MAF: variants seen among roughly 807,000 people sequenced by gnomAD.
The protein encoded by MAF is MAF bZIP transcription factor.
In MAF, 10 loss-of-function variants were observed where a neutral mutation model predicts 22.0. The observed-to-expected ratio is 0.45, with a 90% CI of 0.28 to 0.77. MAF has a LOEUF of 0.77. MAF is among the 30% of genes least tolerant of loss of function. The pLI is 0.12. For missense variants in MAF, 544 were observed against 548.4 expected (o/e 0.99, Z 0.08); for synonymous variants, 337 against 255.8 (o/e 1.32, Z -3.03).
chr16:79,209,018 T>C, the MAF span, among the ~76,000 whole-genome samples: 2 of 152,180 alleles, frequency 1.3e-5, no homozygotes, highest in African/African-American at 2.4e-5. Flanking sequence ...AGGTCGTCTT[T>C]GCTTTCGGGT....
the MAF span, among the ~76,000 whole-genome samples, chr16:79,307,023 C>T: frequency 1.3e-5 from 2 of 152,222 alleles, no homozygotes; most frequent in South Asian, 2.1e-4. Context: ...AACTTCTGCA[C>T]ATCACTCAAA....
chr16:79,310,190 A>T, the MAF span, among the ~76,000 whole-genome samples: 7 of 152,182 alleles, frequency 4.6e-5, no homozygotes, highest in African/African-American at 1.4e-4. Context: ...TTTGTGCATG[A>T]GGTCAATCCC....
At chr16:79,489,207 CTCTA>C in the MAF span, among the ~76,000 whole-genome samples, 3 of 152,120 alleles carry the variant, frequency 2.0e-5, no homozygotes, top group East Asian at 1.9e-4. Flanking sequence ...CCATCTATTC[CTCTA>C]TCTATCCATC....
At chr16:79,334,337 A>G in the MAF span, among the ~76,000 whole-genome samples, 46 of 152,172 alleles carry the variant, frequency 3.0e-4, no homozygotes, top group Non-Finnish European at 5.4e-4. Context: ...ACCAGGAGCT[A>G]GAAGCAAACG....
chr16:79,339,231 G>A, the MAF span, among the ~76,000 whole-genome samples: 11 of 144,066 alleles, frequency 7.6e-5, no homozygotes, highest in East Asian at 8.1e-4. Context: ...CACCACGCCC[G>A]GCTAAATTTT....
the MAF span, chr16:79,206,078 G>C: frequency 1.3e-5 from 2 of 152,088 alleles, no homozygotes; most frequent in East Asian, 3.9e-4. Context: ...CTTCATTTTT[G>C]TTCATCCAAA....
the MAF span, among the ~76,000 whole-genome samples, chr16:79,285,190 G>C: frequency 6.6e-6 from 1 of 152,238 alleles, no homozygotes; most frequent in Admixed American, 6.5e-5. Flanking sequence ...CTCCCCAGCA[G>C]CTTTTAAAGA....
the MAF span, among the ~76,000 whole-genome samples, chr16:79,548,940 T>G: frequency 2.0e-5 from 3 of 152,212 alleles, no homozygotes; most frequent in Non-Finnish European, 2.9e-5. Flanking sequence ...CTAGTTATTC[T>G]GTGCACCTCT....
the MAF span, among the ~76,000 whole-genome samples, chr16:79,243,393 G>C: frequency 1.3e-5 from 2 of 151,918 alleles, no homozygotes; most frequent in Non-Finnish European, 2.9e-5. Context: ...TATCGCCACT[G>C]ATCCCACAGA....
chr16:79,211,615 G>GA, the MAF span: 1 of 1,614,046 alleles, frequency 6.2e-7, no homozygotes, highest in East Asian at 2.2e-5. Flanking sequence ...CAGCAACAGG[G>GA]AGCTGCCACC....
At chr16:79,439,706 T>C in the MAF span, among the ~76,000 whole-genome samples, 2 of 152,188 alleles carry the variant, frequency 1.3e-5, no homozygotes, top group Non-Finnish European at 2.9e-5. Context: ...AAGAGGTCCA[T>C]GTTACATAGA....
the MAF span, chr16:79,203,895 G>C: frequency 9.2e-5 from 14 of 152,134 alleles, 1 homozygote; most frequent in Admixed American, 2.6e-4. Context: ...AGAGGTTAAA[G>C]AAGTAGAGTA....
the MAF span, among the ~76,000 whole-genome samples, chr16:79,374,641 T>A: frequency 6.6e-6 from 1 of 152,218 alleles, no homozygotes; most frequent in African/African-American, 2.4e-5. Flanking sequence ...GAAGGCTGCC[T>A]GTGGTCTCCC....
the MAF span, among the ~76,000 whole-genome samples, chr16:79,400,001 C>T: frequency 2.0e-5 from 3 of 151,596 alleles, no homozygotes; most frequent in African/African-American, 7.3e-5. Flanking sequence ...TCAACTAAAA[C>T]CATAATTGTG....
At chr16:79,419,360 A>G in the MAF span, among the ~76,000 whole-genome samples, 1 of 152,224 alleles carries the variant, frequency 6.6e-6, no homozygotes, top group African/African-American at 2.4e-5. Context: ...CGTTTGACTC[A>G]GCACAAATGG....
chr16:79,314,157 T>C, the MAF span, among the ~76,000 whole-genome samples: 3 of 152,146 alleles, frequency 2.0e-5, no homozygotes, highest in South Asian at 2.1e-4. Flanking sequence ...TGGAAAGCTG[T>C]TGTTATTAAT....
chr16:79,215,197 C>G, the MAF span, among the ~76,000 whole-genome samples: 1 of 152,184 alleles, frequency 6.6e-6, no homozygotes, highest in Non-Finnish European at 1.5e-5. Context: ...TGCACCAGTG[C>G]CACTGCTCCT....
At chr16:79,233,810 G>A in the MAF span, among the ~76,000 whole-genome samples, 40 of 152,010 alleles carry the variant, frequency 2.6e-4, no homozygotes, top group African/African-American at 8.9e-4. Flanking sequence ...TGACCAACAT[G>A]GTGAAACCCT....
chr16:79,207,354 GCT>G, the MAF span, among the ~76,000 whole-genome samples: 1 of 152,228 alleles, frequency 6.6e-6, no homozygotes, highest in Non-Finnish European at 1.5e-5. Context: ...AGCCAAACCT[GCT>G]CACTTCAGAT....
Sources: allele counts gnomAD v4.1 joint callset (sites outside exome capture counted in the v4.1 genomes callset), GRCh38; gene constraint gnomAD v4.1.1; transcripts MANE v1.5; gene names NCBI Gene and HGNC (gene_info 2026-07-23, HGNC 2026-07-21).